ZNF90: variants seen among roughly 807,000 people sequenced by gnomAD.
ZNF90 encodes the protein zinc finger protein HTF9.
Under a neutral mutation model 12.0 loss-of-function variants are expected in ZNF90, and 11 were observed. That is an observed-to-expected ratio of 0.92 (90% CI 0.58 to 1.52). The LOEUF (loss-of-function observed/expected upper bound fraction) is 1.52, where lower values mean the gene tolerates loss of function less well. ZNF90 is among the 40% of genes most tolerant of loss of function. The pLI, the probability that ZNF90 is intolerant of heterozygous loss-of-function variation, is 0.00. For synonymous variants in ZNF90, 232 were observed against 240.1 expected, an observed-to-expected ratio of 0.97 and a Z score of 0.31; for missense variants, 765 against 711.5, an observed-to-expected ratio of 1.08 and a Z score of -0.86.
intron 1 of ZNF90, among the ~76,000 whole-genome samples, chr19:20,092,542 G>A (rs780372291): frequency 6.6e-6 from 1 of 152,126 alleles, no homozygotes; most frequent in Non-Finnish European, 1.5e-5. Context: ...AGTGGGGAAA[G>A]GATTTAGGAT....
intron 3 of ZNF90, among the ~76,000 whole-genome samples, chr19:20,109,289 A>G (rs1399416037): frequency 6.6e-6 from 1 of 152,150 alleles, no homozygotes; most frequent in Non-Finnish European, 1.5e-5. Context: ...CAGATTACAT[A>G]AGTATGTGTG....
intron 1 of ZNF90, among the ~76,000 whole-genome samples, chr19:20,083,497 T>A (rs2088836474): frequency 6.6e-6 from 1 of 151,912 alleles, no homozygotes; most frequent in African/African-American, 2.4e-5. Flanking sequence ...TTGGCTAATT[T>A]TGTGTTTTTA....
rs2089186009 is a variant in ZNF90 at position 20,120,498 on chromosome 19, GT to G, written c.*1139del. Reference sequence around the variant, plus strand: ...TATGTTAGAGAAGAATCCTGCAAATGTAGTGAATTTGGAAACAAATTTTTTT... The same window carrying G: ...TATGTTAGAGAAGAATCCTGCAAATGAGTGAATTTGGAAACAAATTTTTTT... On this transcript the variant is annotated 3_prime_UTR_variant, in exon 4 of 4. Transcript: ENST00000418063. 6.6e-6 allele frequency among the ~76,000 whole-genome samples: 1 copy of G among 152,166 alleles called. No homozygotes were observed. The highest frequency in any genetic ancestry group is 2.4e-5 in the African/African-American group (1 of 41,450).
chr19:20,089,730 C>T (rs764490406), intron 1 of ZNF90, among the ~76,000 whole-genome samples: 7 of 152,106 alleles, frequency 4.6e-5, no homozygotes, highest in Non-Finnish European at 1.0e-4. Flanking sequence ...TAAATGAGTT[C>T]TTCAGGAGGG....
chr19:20,093,492 G>A (rs1020347900), intron 1 of ZNF90, among the ~76,000 whole-genome samples: 31 of 152,266 alleles, frequency 2.0e-4, no homozygotes, highest in Middle Eastern at 6.8e-3. Flanking sequence ...AGAGGAAGAT[G>A]CGAAGGAGGC....
intron 1 of ZNF90, among the ~76,000 whole-genome samples, chr19:20,102,841 GA>G (rs34024004): frequency 6.6e-6 from 1 of 152,052 alleles, no homozygotes. Context: ...AGAAAGTTCT[GA>G]AAAAAGTATT....
At chr19:20,080,793 C>T (rs964052514) in intron 1 of ZNF90, among the ~76,000 whole-genome samples, 7 of 152,050 alleles carry the variant, frequency 4.6e-5, no homozygotes, top group African/African-American at 1.7e-4. Flanking sequence ...AGCACTGAAA[C>T]GGGGTCTGTG....
At chr19:20,101,484 CTG>C (rs1187827729) in intron 1 of ZNF90, among the ~76,000 whole-genome samples, 3 of 152,210 alleles carry the variant, frequency 2.0e-5, no homozygotes, top group African/African-American at 7.2e-5. Flanking sequence ...TTGCTGGTGT[CTG>C]TGCTAGAAAA....
At chr19:20,097,512 C>G (rs1166909698) in intron 1 of ZNF90, among the ~76,000 whole-genome samples, 12 of 152,198 alleles carry the variant, frequency 7.9e-5, no homozygotes, top group African/African-American at 2.9e-4. Context: ...ATTTTCAGAC[C>G]TGAAACGGAT....
chr19:20,117,494 G>C (rs2089150703), intron 3 of ZNF90: 6 of 459,484 alleles, frequency 1.3e-5, no homozygotes, highest in Non-Finnish European at 1.7e-5. Flanking sequence ...GTGGAGTGCA[G>C]TGGTGTGATC....
At chr19:20,092,191 C>T (rs904467888) in intron 1 of ZNF90, among the ~76,000 whole-genome samples, 2 of 151,942 alleles carry the variant, frequency 1.3e-5, no homozygotes, top group African/African-American at 4.8e-5. Flanking sequence ...GCAGAAGGAG[C>T]CGGGGAGCAG....
In ZNF90 at chr19:20,078,091, T is replaced by C. The variant is rs1332497032; in HGVS notation, c.-42T>C. On this transcript the variant is annotated 5_prime_UTR_variant, in exon 1 of 4. Coordinates refer to ENST00000418063, the MANE Select transcript of ZNF90 (RefSeq NM_007138.2). ...CCTCTGTGGCCCTGTGACCTGCAGG[T>C]ATTGGGAGATCCACAGCTGAGGGAC... The C allele has an allele frequency of 6.2e-7, 1 of 1,613,794 alleles. No individual in the cohort carries two copies. The highest frequency in any genetic ancestry group is 8.5e-7 in the Non-Finnish European group (1 of 1,179,894).
Position 20,117,497 on chromosome 19 carries a change from G to A in ZNF90, c.227-284G>A, listed in dbSNP as rs538017482. ...CTGCTGCCCAGGGTGGAGTGCAGTG[G>A]TGTGATCTTGGGTCACCGCAATCTC... On this transcript the variant is annotated intron_variant, in intron 3 of 3. Transcript: ENST00000418063. 135 of 549,618 alleles carry A rather than the reference G, an allele frequency of 2.5e-4. No homozygotes were observed. In the African/African-American group the frequency reaches 2.7e-3, roughly 11 times the overall value. The allele number at this position is 549,618 out of a possible 1,614,324, so 34.0% of individuals were successfully genotyped here.
chr19:20,104,401 C>A, intron 2 of ZNF90, 36 bp downstream of exon 2: 3 of 1,552,382 alleles, frequency 1.9e-6, no homozygotes, highest in Non-Finnish European at 2.6e-6. Flanking sequence ...CATAATATAC[C>A]CTAAAGGTTG....
At chr19:20,112,959 C>T (rs2089102719) in intron 3 of ZNF90, among the ~76,000 whole-genome samples, 1 of 152,004 alleles carries the variant, frequency 6.6e-6, no homozygotes, top group African/African-American at 2.4e-5. Flanking sequence ...TATGTCACAT[C>T]ACAGCAATTA....
intron 1 of ZNF90, among the ~76,000 whole-genome samples, chr19:20,081,923 C>CTT (rs2088823259): frequency 6.6e-6 from 1 of 151,930 alleles, no homozygotes. Context: ...TGCCACTACC[C>CTT]CCGGCTAATT....
At chr19:20,079,858 G>C in intron 1 of ZNF90, 1 of 395,710 alleles carries the variant, frequency 2.5e-6, no homozygotes, top group South Asian at 2.1e-5. Context: ...AGCGATGTAA[G>C]CAAGAAGCTG....
At chr19:20,100,448 C>T (rs1356873612) in intron 1 of ZNF90, among the ~76,000 whole-genome samples, 1 of 152,192 alleles carries the variant, frequency 6.6e-6, no homozygotes, top group Non-Finnish European at 1.5e-5. Context: ...CTTCCAGAAG[C>T]AAAGCTGTAA....
chr19:20,109,069 CT>C (rs1388736209), intron 3 of ZNF90, among the ~76,000 whole-genome samples: 1 of 152,092 alleles, frequency 6.6e-6, no homozygotes, highest in Non-Finnish European at 1.5e-5. Context: ...ATTGGTTTTA[CT>C]TATGTAGTAA....
Sources: allele counts gnomAD v4.1 joint callset (sites outside exome capture counted in the v4.1 genomes callset), GRCh38; gene constraint gnomAD v4.1.1; transcripts MANE v1.5; gene names NCBI Gene and HGNC (gene_info 2026-07-23, HGNC 2026-07-21).